The following NPAS3 variants were observed in gnomAD, a reference collection of about 807,000 sequenced individuals.
NPAS3 encodes neuronal PAS domain-containing protein 3.
A neutral mutation model predicts 73.1 loss-of-function variants in NPAS3; 14 were observed. The ratio of observed to expected loss-of-function variants is 0.19; its 90% CI spans 0.13 to 0.30. The LOEUF is 0.30. NPAS3 is among the 10% of genes least tolerant of loss of function. The pLI, the probability that NPAS3 is intolerant of heterozygous loss-of-function variation, is 1.00. For synonymous variants in NPAS3, 620 were observed against 541.5 expected (o/e 1.14, Z -2.01); for missense variants, 1,096 against 1,250.0 (o/e 0.88, Z 1.86).
intron 2 of NPAS3, among the ~76,000 whole-genome samples, chr14:33,078,433 T>G (rs2041746076): frequency 1.3e-5 from 2 of 151,736 alleles, no homozygotes; most frequent in Non-Finnish European, 2.9e-5. Flanking sequence ...ATTCCTCCCC[T>G]GGAGAGGTGC....
chr14:33,488,009 A>T (rs71419945), intron 4 of NPAS3, among the ~76,000 whole-genome samples: 1 of 152,118 alleles, frequency 6.6e-6, no homozygotes, highest in East Asian at 1.9e-4. Context: ...TTCACTGTAT[A>T]TGAGGCCCTG....
At chr14:33,606,964 C>G (rs1189873675) in intron 5 of NPAS3, among the ~76,000 whole-genome samples, 2 of 152,098 alleles carry the variant, frequency 1.3e-5, no homozygotes, top group East Asian at 3.9e-4. Flanking sequence ...CAATAAAGCA[C>G]ATAAATGATA....
intron 2 of NPAS3, among the ~76,000 whole-genome samples, chr14:33,103,209 A>G (rs916440276): frequency 5.9e-5 from 9 of 152,144 alleles, no homozygotes; most frequent in Admixed American, 2.0e-4. Context: ...TGACAAATAG[A>G]TGTTCCCACC....
Position 33,237,005 on chromosome 14 carries a change from A to T in NPAS3, c.385+21579A>T, listed in dbSNP as rs190956868. Reference sequence around the variant, plus strand: ...AAAATCAAACTGAATTATCTAAAAAATGAGATTTTTGTTTATGTTTTCAGT... The same window carrying T: ...AAAATCAAACTGAATTATCTAAAAATTGAGATTTTTGTTTATGTTTTCAGT... On this transcript the variant is annotated intron_variant, in intron 3 of 11. Coordinates refer to ENST00000356141, the Ensembl canonical transcript of NPAS3. Among the ~76,000 whole-genome samples, 93 of 152,238 alleles carry T rather than the reference A, an allele frequency of 6.1e-4. 1 individual carries two copies. In the East Asian group the frequency reaches 0.011, roughly 18 times the overall value.
At chr14:33,783,557 A>G (rs906938631) in intron 9 of NPAS3, among the ~76,000 whole-genome samples, 2 of 119,044 alleles carry the variant, frequency 1.7e-5, no homozygotes, top group Non-Finnish European at 1.6e-5. Context: ...TTATGCAGGG[A>G]TGAATTTGTA....
chr14:33,195,866 A>G (rs1008532037), intron 2 of NPAS3, among the ~76,000 whole-genome samples: 1 of 152,198 alleles, frequency 6.6e-6, no homozygotes, highest in African/African-American at 2.4e-5. Context: ...AGGCTGAACA[A>G]TGGGGGATCA....
chr14:33,088,626 A>G (rs1293408956), intron 2 of NPAS3, among the ~76,000 whole-genome samples: 14 of 152,250 alleles, frequency 9.2e-5, no homozygotes, highest in Admixed American at 9.2e-4. Flanking sequence ...AAAAGGCAGC[A>G]GAAACCTCTG....
intron 4 of NPAS3, among the ~76,000 whole-genome samples, chr14:33,540,830 G>T (rs1224279483): frequency 6.6e-6 from 1 of 152,174 alleles, no homozygotes; most frequent in African/African-American, 2.4e-5. Context: ...GTCTATTGGG[G>T]AAAACGTGAC....
intron 3 of NPAS3, among the ~76,000 whole-genome samples, chr14:33,342,968 C>T (rs1228847770): frequency 6.6e-6 from 1 of 152,180 alleles, no homozygotes; most frequent in Non-Finnish European, 1.5e-5. Flanking sequence ...GCTGTCCAAG[C>T]TCAATGCCAT....
chr14:33,098,236 C>T (rs2138867122), intron 2 of NPAS3, among the ~76,000 whole-genome samples: 1 of 152,298 alleles, frequency 6.6e-6, no homozygotes, highest in African/African-American at 2.4e-5. Flanking sequence ...TCCCACAGCA[C>T]TGTAGTTTTG....
intron 2 of NPAS3, among the ~76,000 whole-genome samples, chr14:33,170,428 T>C (rs2139373947): frequency 6.6e-6 from 1 of 152,320 alleles, no homozygotes; most frequent in Admixed American, 6.5e-5. Context: ...TGGTGGTTGC[T>C]GAAGTTTGGG....
chr14:33,267,580 A>C lies in NPAS3; in HGVS notation c.385+52154A>C, dbSNP rs527329509. Among the ~76,000 whole-genome samples, 4 of 152,336 alleles carry C rather than the reference A, an allele frequency of 2.6e-5. No homozygotes were observed. The East Asian group carries it at 7.7e-4, about 29-fold the overall frequency. On this transcript the variant is annotated intron_variant, in intron 3 of 11. Transcript: ENST00000356141. Reference sequence around the variant, plus strand: ...TTTCCCCTATATGCCTTTATAATATAAGCCAATATTCTTCTTCATGAAGGT... The same window carrying C: ...TTTCCCCTATATGCCTTTATAATATCAGCCAATATTCTTCTTCATGAAGGT...
chr14:33,104,552 C>T (rs563904375), intron 2 of NPAS3, among the ~76,000 whole-genome samples: 3 of 152,146 alleles, frequency 2.0e-5, no homozygotes, highest in Non-Finnish European at 1.5e-5. Context: ...ATTCAGAGAA[C>T]ATGTGAAATA....
chr14:33,706,702 A>G (rs1197491402), intron 6 of NPAS3, among the ~76,000 whole-genome samples: 1 of 152,138 alleles, frequency 6.6e-6, no homozygotes, highest in African/African-American at 2.4e-5. Flanking sequence ...CAATCCTCCC[A>G]ATAATCCTAG....
chr14:33,701,942 G>A (rs1837871811), intron 6 of NPAS3, among the ~76,000 whole-genome samples: 1 of 152,180 alleles, frequency 6.6e-6, no homozygotes, highest in Non-Finnish European at 1.5e-5. Flanking sequence ...AATCTAGCAA[G>A]AGATGGATGT....
intron 3 of NPAS3, among the ~76,000 whole-genome samples, chr14:33,359,946 G>T (rs1163339156): frequency 6.6e-6 from 1 of 152,226 alleles, no homozygotes; most frequent in Non-Finnish European, 1.5e-5. Context: ...AACAACAGAA[G>T]CAGTTCAAAA....
intron 5 of NPAS3, among the ~76,000 whole-genome samples, chr14:33,604,410 A>C (rs1377401222): frequency 6.6e-6 from 1 of 152,112 alleles, no homozygotes; most frequent in Non-Finnish European, 1.5e-5. Flanking sequence ...ATAACTATGG[A>C]TAAAGAAGTT....
intron 4 of NPAS3, among the ~76,000 whole-genome samples, chr14:33,432,253 T>A (rs2048815920): frequency 6.6e-6 from 1 of 152,160 alleles, no homozygotes; most frequent in South Asian, 2.1e-4. Flanking sequence ...TGGGAAAAAA[T>A]TGGTTTCCCT....
Position 32,958,259 on chromosome 14 carries a change from C to T in NPAS3, c.50+18893C>T, listed in dbSNP as rs180708717. ...AATGCTTCCAGAAGGGTTAATAACCCCCACCCACCAACCCCATGAACCTAC... is the reference window on the plus strand; with the variant it reads ...AATGCTTCCAGAAGGGTTAATAACCTCCACCCACCAACCCCATGAACCTAC... On this transcript the variant is annotated intron_variant, in intron 1 of 11. Coordinates refer to ENST00000356141, the Ensembl canonical transcript of NPAS3. Among the ~76,000 whole-genome samples, 19 of 152,206 alleles carry T rather than the reference C, an allele frequency of 1.2e-4. No homozygotes were observed. The East Asian group carries it at 3.5e-3, about 28-fold the overall frequency.
Sources: allele counts gnomAD v4.1 joint callset (sites outside exome capture counted in the v4.1 genomes callset), GRCh38; gene constraint gnomAD v4.1.1; transcripts MANE v1.5; gene names NCBI Gene and HGNC (gene_info 2026-07-23, HGNC 2026-07-21).